MSI2: variants seen among roughly 807,000 people sequenced by gnomAD.
MSI2 encodes the protein musashi RNA binding protein 2.
A neutral mutation model predicts 45.6 loss-of-function variants in MSI2; 17 were observed. The ratio of observed to expected loss-of-function variants is 0.37; its 90% confidence interval spans 0.26 to 0.56. The LOEUF (loss-of-function observed/expected upper bound fraction) is 0.56, where lower values mean the gene tolerates loss of function less well. Among genes scored for constraint, MSI2 ranks in the 20% least tolerant of loss-of-function variants. MSI2 has a pLI of 0.77. For missense variants in MSI2, 293 were observed against 444.2 expected, an observed-to-expected ratio of 0.66 and a Z score of 3.06; for synonymous variants, 156 against 158.2, an observed-to-expected ratio of 0.99 and a Z score of 0.11.
chr17:57,609,418 G>T (rs564966250), intron 8 of MSI2, among the ~76,000 whole-genome samples: 1 of 152,294 alleles, frequency 6.6e-6, no homozygotes, highest in African/African-American at 2.4e-5. Context: ...TTTATCCATC[G>T]AAATAGGCCT....
chr17:57,655,449 G>A (rs1598497075), intron 11 of MSI2, among the ~76,000 whole-genome samples: 1 of 152,156 alleles, frequency 6.6e-6, no homozygotes. Flanking sequence ...GGGTGGGTCC[G>A]TGTATCAATC....
chr17:57,353,692 T>A (rs1164975405), intron 5 of MSI2, among the ~76,000 whole-genome samples: 1 of 152,136 alleles, frequency 6.6e-6, no homozygotes, highest in African/African-American at 2.4e-5. Flanking sequence ...AGATTGAAGA[T>A]TTAGTCTGAT....
the MSI2 span, among the ~76,000 whole-genome samples, chr17:57,693,297 C>T: frequency 1.3e-5 from 2 of 152,122 alleles, no homozygotes; most frequent in Admixed American, 6.5e-5. Flanking sequence ...ATCATCCCAC[C>T]TCAGCCTCCC....
intron 5 of MSI2, among the ~76,000 whole-genome samples, chr17:57,297,188 G>GTTT (rs61324365): frequency 9.5e-5 from 11 of 115,198 alleles, no homozygotes; most frequent in Admixed American, 9.0e-4. Context: ...GTTTTTTTTT[G>GTTT]TTTTTTTTTT....
chr17:57,389,368 C>A (rs1425063870), intron 5 of MSI2, among the ~76,000 whole-genome samples: 1 of 152,222 alleles, frequency 6.6e-6, no homozygotes, highest in African/African-American at 2.4e-5. Flanking sequence ...CCTGGCCTAT[C>A]CTCCTTGCAT....
Position 57,679,690 on chromosome 17 carries a change from C to T in MSI2, c.*173C>T. ...CTCACTTCGGATCGAGGGTTGACTA[C>T]ATCTCATCATCTCACGAATCTGCTG... On this transcript the variant is annotated 3_prime_UTR_variant, in exon 14 of 14. Transcript: ENST00000284073. 1 of 718,294 alleles carries T rather than the reference C, an allele frequency of 1.4e-6. No homozygotes were observed. Among genetic ancestry groups the T allele is most frequent in the Non-Finnish European group, 1.8e-6 (1 of 561,678 alleles). The allele number at this position is 718,294 out of a possible 1,614,324, so 44.5% of individuals were successfully genotyped here.
At chr17:57,579,090 G>A (rs890450053) in intron 7 of MSI2, among the ~76,000 whole-genome samples, 1 of 152,166 alleles carries the variant, frequency 6.6e-6, no homozygotes, top group Non-Finnish European at 1.5e-5. Flanking sequence ...CAAAACATTA[G>A]AGCATATGGT....
intron 6 of MSI2, among the ~76,000 whole-genome samples, chr17:57,507,598 T>C (rs570132531): frequency 6.6e-6 from 1 of 152,226 alleles, no homozygotes; most frequent in African/African-American, 2.4e-5. Flanking sequence ...GACTATAAAA[T>C]AATGACTAGT....
At chr17:57,309,812 G>A (rs925290543) in intron 5 of MSI2, among the ~76,000 whole-genome samples, 2 of 152,128 alleles carry the variant, frequency 1.3e-5, no homozygotes, top group Non-Finnish European at 2.9e-5. Context: ...GAGGAGAGAG[G>A]GAGGCACGAC....
intron 10 of MSI2, among the ~76,000 whole-genome samples, chr17:57,637,885 C>T (rs946342917): frequency 1.3e-5 from 2 of 152,230 alleles, no homozygotes; most frequent in African/African-American, 4.8e-5. Flanking sequence ...AGGCCCCGTG[C>T]CCACCAGATC....
At chr17:57,509,292 T>G (rs1372586900) in intron 6 of MSI2, among the ~76,000 whole-genome samples, 1 of 151,984 alleles carries the variant, frequency 6.6e-6, no homozygotes, top group Non-Finnish European at 1.5e-5. Context: ...TTCTCTCAAG[T>G]GGAAAGGAGT....
At chr17:57,647,339 C>T (rs1910749689) in intron 10 of MSI2, among the ~76,000 whole-genome samples, 1 of 146,128 alleles carries the variant, frequency 6.8e-6, no homozygotes, top group African/African-American at 2.5e-5. Context: ...ATCCCAGCTA[C>T]TTGGAAGGCT....
intron 10 of MSI2, among the ~76,000 whole-genome samples, chr17:57,640,421 A>T (rs952792342): frequency 6.6e-6 from 1 of 152,250 alleles, no homozygotes; most frequent in African/African-American, 2.4e-5. Flanking sequence ...TTAGAATAGG[A>T]AGGCACCAAA....
chr17:57,340,261 C>G (rs1915017257), intron 5 of MSI2, among the ~76,000 whole-genome samples: 2 of 152,134 alleles, frequency 1.3e-5, no homozygotes, highest in Admixed American at 6.5e-5. Context: ...AGTCGGCCTC[C>G]AGACGCACCT....
At chr17:57,564,172 G>A (rs2087669465) in intron 7 of MSI2, among the ~76,000 whole-genome samples, 1 of 152,188 alleles carries the variant, frequency 6.6e-6, no homozygotes, top group Non-Finnish European at 1.5e-5. Context: ...TTTCTTGCTG[G>A]AACAGGGCAC....
At chr17:57,329,940 GT>G (rs113322197) in intron 5 of MSI2, among the ~76,000 whole-genome samples, 1,565 of 141,746 alleles carry the variant, frequency 0.011, 29 homozygotes, top group African/African-American at 0.037. Flanking sequence ...TTTTGTTTTT[GT>G]TTTTTTTTTT....
Position 57,610,702 on chromosome 17 carries a change from G to A in MSI2, c.538-5268G>A, listed in dbSNP as rs1280919279. 2.2e-5 allele frequency among the ~76,000 whole-genome samples: 2 copies of A among 93,014 alleles called. 1 individual carries two copies. Among genetic ancestry groups the A allele is most frequent in the Non-Finnish European group, 5.1e-5 (2 of 39,176 alleles). 61.0% of individuals were successfully genotyped at this position (93,014 alleles called of 152,430 possible). ...GGACAAGAGTGTTAGCGACCACAGG[G>A]GCCACACTCCCATCAGGCCTTCGTT... On this transcript the variant is annotated intron_variant, in intron 8 of 13. Coordinates refer to ENST00000284073, the MANE Select transcript of MSI2 (RefSeq NM_138962.4).
intron 7 of MSI2, among the ~76,000 whole-genome samples, chr17:57,540,313 G>A (rs997768332): frequency 1.5e-4 from 23 of 152,104 alleles, no homozygotes; most frequent in South Asian, 4.2e-4. Flanking sequence ...TCATTACTTC[G>A]GGAATGGAGG....
intron 5 of MSI2, among the ~76,000 whole-genome samples, chr17:57,331,639 C>T (rs9894107): frequency 0.02 from 3,021 of 152,240 alleles, 83 homozygotes; most frequent in African/African-American, 0.063. Flanking sequence ...ATTCCTGAAG[C>T]TGCATTTCAT....
Sources: gnomAD v4.1 joint callset for allele counts (sites outside exome capture counted in the v4.1 genomes callset) on GRCh38, gnomAD v4.1.1 for gene constraint, MANE v1.5 for transcripts, NCBI Gene and HGNC (gene_info 2026-07-23, HGNC 2026-07-21) for gene names.